RIMS1: variants seen among roughly 807,000 people sequenced by gnomAD.
RIMS1 encodes the protein regulating synaptic membrane exocytosis protein 1.
A neutral mutation model predicts 214.1 loss-of-function variants in RIMS1; 83 were observed. That is an observed-to-expected ratio of 0.39 (90% CI 0.32 to 0.47). The LOEUF is 0.47. Ranked by LOEUF, RIMS1 falls within the 20% of genes least tolerant of loss-of-function variation. The pLI, the probability that RIMS1 is intolerant of heterozygous loss-of-function variation, is 0.99. For missense variants in RIMS1, 2,050 were observed against 2,161.8 expected, an observed-to-expected ratio of 0.95 and a Z score of 1.03; for synonymous variants, 793 against 786.8, an observed-to-expected ratio of 1.01 and a Z score of -0.13.
Position 72,165,838 on chromosome 6 carries a change from G to A in RIMS1, c.472-13737G>A, listed in dbSNP as rs369041134. Among the ~76,000 whole-genome samples, 10 of 152,144 alleles carry A rather than the reference G, an allele frequency of 6.6e-5. No homozygotes were observed. The East Asian group carries it at 1.2e-3, about 18-fold the overall frequency. Reference sequence around the variant, plus strand: ...CATGATGGGATGAAGTAAACAGAGGGAAAAATATCTAAACTTTTCTCTCCT... The same window carrying A: ...CATGATGGGATGAAGTAAACAGAGGAAAAAATATCTAAACTTTTCTCTCCT... On this transcript the variant is annotated intron_variant, in intron 4 of 33. Coordinates refer to ENST00000521978, the MANE Select transcript of RIMS1 (RefSeq NM_014989.7).
chr6:72,238,537 A>G (rs1045480757), intron 9 of RIMS1, among the ~76,000 whole-genome samples: 5 of 152,186 alleles, frequency 3.3e-5, no homozygotes, highest in African/African-American at 1.2e-4. Context: ...ATTATTTAAT[A>G]TATGTAAATG....
intron 29 of RIMS1, among the ~76,000 whole-genome samples, chr6:72,371,329 G>A (rs542620481): frequency 5.9e-5 from 9 of 152,204 alleles, no homozygotes; most frequent in Middle Eastern, 3.4e-3. Flanking sequence ...AAAAAAATTC[G>A]TGGATTATTA....
chr6:72,057,502 T>G (rs919407132), intron 2 of RIMS1, among the ~76,000 whole-genome samples: 2 of 149,558 alleles, frequency 1.3e-5, no homozygotes, highest in African/African-American at 4.9e-5. Context: ...CTTTTTCTTT[T>G]TTTTTTTTTT....
At chr6:72,004,817 G>T (rs1015195807) in intron 2 of RIMS1, among the ~76,000 whole-genome samples, 59 of 151,312 alleles carry the variant, frequency 3.9e-4, no homozygotes, top group Non-Finnish European at 7.1e-4. Context: ...CCATTCTGTA[G>T]GTTGCCTGTT....
chr6:72,374,707 G>T (rs576170642), intron 29 of RIMS1, among the ~76,000 whole-genome samples: 8 of 152,206 alleles, frequency 5.3e-5, no homozygotes, highest in Non-Finnish European at 1.2e-4. Context: ...TGGACCAGGG[G>T]GTAAAGGGGG....
At chr6:72,055,709 A>T (rs1825973581) in intron 2 of RIMS1, among the ~76,000 whole-genome samples, 1 of 152,210 alleles carries the variant, frequency 6.6e-6, no homozygotes, top group Admixed American at 6.5e-5. Flanking sequence ...CAAAATCATA[A>T]TGAGATATCA....
At chr6:72,115,612 A>T (rs765290962) in intron 4 of RIMS1, among the ~76,000 whole-genome samples, 1 of 151,784 alleles carries the variant, frequency 6.6e-6, no homozygotes, top group Non-Finnish European at 1.5e-5. Context: ...TGCTGGTGTT[A>T]TTTTTGCTTT....
chr6:72,299,143 G>C (rs1176082888), intron 26 of RIMS1, among the ~76,000 whole-genome samples: 2 of 151,824 alleles, frequency 1.3e-5, no homozygotes, highest in Non-Finnish European at 2.9e-5. Flanking sequence ...GATATAAGAA[G>C]ATCAAAACTG....
intron 2 of RIMS1, among the ~76,000 whole-genome samples, chr6:72,066,499 T>C (rs1390566541): frequency 6.6e-6 from 1 of 152,204 alleles, no homozygotes; most frequent in East Asian, 1.9e-4. Context: ...ACCCAAATAT[T>C]AGTCCACCTA....
At chr6:72,179,988 A>C in intron 5 of RIMS1, 73 bp downstream of exon 5, 1 of 1,047,274 alleles carries the variant, frequency 9.5e-7, no homozygotes, top group Non-Finnish European at 1.3e-6. Context: ...CAAGAATTTA[A>C]CTTCTATTAC....
intron 4 of RIMS1, among the ~76,000 whole-genome samples, chr6:72,159,260 G>C (rs1314051583): frequency 7.1e-6 from 1 of 140,436 alleles, no homozygotes; most frequent in East Asian, 2.0e-4. Context: ...TTTTTTTCTT[G>C]TAAATTTGAG....
chr6:72,387,191 A>T (rs1330936471), intron 29 of RIMS1, among the ~76,000 whole-genome samples: 1 of 152,156 alleles, frequency 6.6e-6, no homozygotes, highest in Non-Finnish European at 1.5e-5. Context: ...ATGAACAAAA[A>T]ACAGAATGAA....
Position 72,271,545 on chromosome 6 carries a change from T to C in RIMS1, c.3399-2804T>C, listed in dbSNP as rs552666624. Among the ~76,000 whole-genome samples the C allele has an allele frequency of 3.3e-5, 5 of 152,124 alleles. No individual in the cohort carries two copies. In the East Asian group the frequency reaches 7.7e-4, roughly 23 times the overall value. On this transcript the variant is annotated intron_variant, in intron 22 of 33. Coordinates refer to ENST00000521978, the MANE Select transcript of RIMS1 (RefSeq NM_014989.7). ...TTTAGATAGTTAAGCTTCTTAGCCA[T>C]GTTCTGCCAAGAGATATGCACCATT...
chr6:72,242,528 G>A (rs2067388540), intron 10 of RIMS1, 91 bp downstream of exon 10: 1 of 885,294 alleles, frequency 1.1e-6, no homozygotes, highest in Non-Finnish European at 1.7e-6. Flanking sequence ...TACAGTACAT[G>A]TTAACATGGA....
At chr6:72,198,931 T>C (rs1240615246) in intron 6 of RIMS1, among the ~76,000 whole-genome samples, 1 of 152,024 alleles carries the variant, frequency 6.6e-6, no homozygotes, top group Non-Finnish European at 1.5e-5. Context: ...TTTAAGGATA[T>C]ATGCACCCAA....
At chr6:71,951,512 CAG>C (rs1281904867) in intron 1 of RIMS1, among the ~76,000 whole-genome samples, 1 of 125,788 alleles carries the variant, frequency 7.9e-6, no homozygotes, top group Non-Finnish European at 1.6e-5. Context: ...GTGTGTGTGA[CAG>C]AGTCTCCACT....
chr6:72,262,985 G>A, intron 19 of RIMS1: 1 of 570,554 alleles, frequency 1.8e-6, no homozygotes, highest in Non-Finnish European at 2.2e-6. Context: ...TGATTTTAGA[G>A]ATGAGGAAAA....
At chr6:72,027,927 AT>A (rs1817007041) in intron 2 of RIMS1, among the ~76,000 whole-genome samples, 1 of 152,142 alleles carries the variant, frequency 6.6e-6, no homozygotes, top group African/African-American at 2.4e-5. Flanking sequence ...GGCATTAAGT[AT>A]ATTGGAGACA....
intron 19 of RIMS1, chr6:72,262,653 T>C: frequency 1.1e-6 from 1 of 877,998 alleles, no homozygotes; most frequent in South Asian, 5.3e-5. Context: ...AAACATTAAT[T>C]TATATCTGTA....
Sources: gnomAD v4.1 joint callset for allele counts (sites outside exome capture counted in the v4.1 genomes callset) on GRCh38, gnomAD v4.1.1 for gene constraint, MANE v1.5 for transcripts, NCBI Gene and HGNC (gene_info 2026-07-23, HGNC 2026-07-21) for gene names.